Variants in CD109 observed in about 807,000 individuals in gnomAD.
The protein encoded by CD109 is CD109 molecule.
Under a neutral mutation model 165.8 loss-of-function variants are expected in CD109, and 149 were observed. That is an observed-to-expected ratio of 0.90 (90% CI 0.79 to 1.03). CD109 has a LOEUF of 1.03. Ranked by LOEUF, CD109 falls within the 50% of genes least tolerant of loss-of-function variation. The pLI, the probability that CD109 is intolerant of heterozygous loss-of-function variation, is 0.00. For synonymous variants in CD109, 585 were observed against 592.1 expected, an observed-to-expected ratio of 0.99 and a Z score of 0.18; for missense variants, 1,712 against 1,677.8, an observed-to-expected ratio of 1.02 and a Z score of -0.36.
At chr6:73,771,644 G>A (rs904072005) in intron 15 of CD109, 63 bp downstream of exon 15, 2 of 1,181,266 alleles carry the variant, frequency 1.7e-6, no homozygotes, top group East Asian at 2.7e-5. Flanking sequence ...AAACTTTATT[G>A]TACTACTTTA....
chr6:73,808,868 G>C (rs763775635), intron 26 of CD109, among the ~76,000 whole-genome samples: 1 of 151,060 alleles, frequency 6.6e-6, no homozygotes, highest in Non-Finnish European at 1.5e-5. Flanking sequence ...GATGGAAGTG[G>C]GTGGGCAGAA....
chr6:73,771,300 G>T (rs1479725585), intron 14 of CD109, 129 bp from the exon 15 acceptor site: 6 of 689,022 alleles, frequency 8.7e-6, no homozygotes, highest in Non-Finnish European at 1.4e-5. Context: ...GTTATGCATG[G>T]TTTTAGAATT....
chr6:73,689,005 A>G, the CD109 span, among the ~76,000 whole-genome samples: 4 of 152,036 alleles, frequency 2.6e-5, no homozygotes, highest in Admixed American at 6.6e-5. Context: ...CCTGAGCTCA[A>G]GCAGTACTCC....
intron 32 of CD109, among the ~76,000 whole-genome samples, chr6:73,821,394 T>C (rs1776102963): frequency 6.6e-6 from 1 of 152,136 alleles, no homozygotes; most frequent in Non-Finnish European, 1.5e-5. Flanking sequence ...GACAATAAAT[T>C]GTTCTACCAA....
At chr6:73,680,581 A>T in the CD109 span, among the ~76,000 whole-genome samples, 2 of 152,126 alleles carry the variant, frequency 1.3e-5, no homozygotes, top group South Asian at 4.1e-4. Context: ...GCAATGGTAG[A>T]CTCTCCACGT....
rs531243374 is a variant in CD109, at chr6:73,823,023, T to C, written c.4163-435T>C. On this transcript the variant is annotated intron_variant, in intron 32 of 32. Coordinates refer to ENST00000287097, the MANE Select transcript of CD109 (RefSeq NM_133493.5). ...TTCCCTTCATATTTATGTATTTTTT[T>C]ACTAGAGCCCAGGGTAAATGCCCCT... 4.6e-5 allele frequency among the ~76,000 whole-genome samples: 7 copies of C among 152,352 alleles called. No homozygotes were observed. The East Asian group carries it at 1.4e-3, about 29-fold the overall frequency.
intron 15 of CD109, among the ~76,000 whole-genome samples, chr6:73,777,044 C>T (rs1774276686): frequency 2.7e-5 from 1 of 37,728 alleles, no homozygotes; most frequent in African/African-American, 1.8e-4. Flanking sequence ...CTGCAACCTC[C>T]ACCTCCCGGG....
At chr6:73,781,835 A>ACAC (rs150665697) in intron 17 of CD109, among the ~76,000 whole-genome samples, 3 of 144,328 alleles carry the variant, frequency 2.1e-5, no homozygotes, top group Admixed American at 6.9e-5. Flanking sequence ...ACACACACAC[A>ACAC]CCCCTCATCA....
chr6:73,812,817 A>AC lies in CD109; in HGVS notation c.3768+548dup, dbSNP rs1334831651. ...AAATACTGAATAAGATAATCATCAC[A>AC]CTAAATAGCACATAAAAATATTGAG... On this transcript the variant is annotated intron_variant, in intron 29 of 32. Transcript: ENST00000287097. Among the ~76,000 whole-genome samples, 4 of 152,226 alleles carry AC rather than the reference A, an allele frequency of 2.6e-5. No individual in the cohort carries two copies. In the East Asian group the frequency reaches 7.7e-4, roughly 29 times the overall value.
At position 73,780,413 on chromosome 6, in the gene CD109, C is replaced by G. The variant is rs373611051; in HGVS notation, c.1828-11C>G. The G allele has an allele frequency of 4.6e-6, 7 of 1,528,902 alleles. No homozygotes were observed. The highest frequency in any genetic ancestry group is 2.3e-5 in the East Asian group (1 of 44,244). 94.7% of individuals were successfully genotyped at this position (1,528,902 alleles called of 1,614,324 possible). ...AATCCATTCATTCCGTATATTTTAT[C>G]TTCTCCTTAGGTGGTCCATGAGTTG... On this transcript the variant is annotated splice_polypyrimidine_tract_variant and intron_variant, in intron 15 of 32. Transcript: ENST00000287097.
chr6:73,812,393 A>G (rs1202274299), intron 29 of CD109, 123 bp downstream of exon 29: 1 of 639,124 alleles, frequency 1.6e-6, no homozygotes, highest in Admixed American at 2.9e-5. Context: ...TCTGTGACTT[A>G]AGCAAGATAT....
chr6:73,767,119 C>A, intron 13 of CD109, 109 bp downstream of exon 13: 2 of 854,814 alleles, frequency 2.3e-6, no homozygotes, highest in Middle Eastern at 3.5e-4. Context: ...AAACTCATGT[C>A]ATGGGGGTTT....
intron 23 of CD109, among the ~76,000 whole-genome samples, chr6:73,798,116 T>TG (rs1306064735): frequency 6.6e-6 from 1 of 151,108 alleles, no homozygotes; most frequent in African/African-American, 2.4e-5. Flanking sequence ...TCCTGTTTTT[T>TG]TTTTTTTCTT....
intron 24 of CD109, among the ~76,000 whole-genome samples, chr6:73,806,628 C>T (rs1775575676): frequency 6.6e-6 from 1 of 152,098 alleles, no homozygotes; most frequent in South Asian, 2.1e-4. Flanking sequence ...TGGCCAAGCC[C>T]AAGTGGAAAC....
At chr6:73,822,327 A>T (rs1776134913) in intron 32 of CD109, among the ~76,000 whole-genome samples, 1 of 152,246 alleles carries the variant, frequency 6.6e-6, no homozygotes, top group South Asian at 2.1e-4. Flanking sequence ...GTAGTTGTAG[A>T]TAATTACACT....
At chr6:73,736,570 A>G in intron 5 of CD109, 62 bp downstream of exon 5, 2 of 1,418,322 alleles carry the variant, frequency 1.4e-6, no homozygotes, top group South Asian at 1.3e-5. Flanking sequence ...CAGGTGGGGG[A>G]AAATCTCCAA....
rs1382983649 is a variant in CD109 at position 73,827,253 on chromosome 6, T to C, written c.*3620T>C. The C allele has an allele frequency of 1.3e-5, 2 of 152,202 alleles. No individual in the cohort carries two copies. The highest frequency in any genetic ancestry group is 2.9e-5 in the Non-Finnish European group (2 of 68,036). 9.4% of individuals were successfully genotyped at this position (152,202 alleles called of 1,614,324 possible). ...GTTACCATGGGGCAAGGTGCCATGA[T>C]GTATTCTTGGGTGCATTGGTTTTTT... On this transcript the variant is annotated 3_prime_UTR_variant, in exon 33 of 33. Transcript: ENST00000287097.
intron 5 of CD109, among the ~76,000 whole-genome samples, chr6:73,752,997 C>G (rs1038713705): frequency 6.6e-6 from 1 of 152,096 alleles, no homozygotes; most frequent in Non-Finnish European, 1.5e-5. Flanking sequence ...TTTAGTTCAC[C>G]TAGAACGAAC....
intron 5 of CD109, among the ~76,000 whole-genome samples, chr6:73,741,843 G>A (rs1485918606): frequency 2.6e-5 from 4 of 152,036 alleles, no homozygotes; most frequent in Admixed American, 1.3e-4. Context: ...GCTAATTTTT[G>A]TATTTTTAGT....
Sources: allele counts gnomAD v4.1 joint callset (sites outside exome capture counted in the v4.1 genomes callset), GRCh38; gene constraint gnomAD v4.1.1; transcripts MANE v1.5; gene names NCBI Gene and HGNC (gene_info 2026-07-23, HGNC 2026-07-21).